SYN3: variants seen among roughly 807,000 people sequenced by gnomAD.
The protein encoded by SYN3 is synapsin-3.
In SYN3, 35 loss-of-function variants were observed where a neutral mutation model predicts 65.8. The ratio of observed to expected loss-of-function variants is 0.53; its 90% confidence interval spans 0.41 to 0.70. The LOEUF (loss-of-function observed/expected upper bound fraction) is 0.70. Among genes scored for constraint, SYN3 ranks in the 30% least tolerant of loss-of-function variants. The pLI is 0.00. For missense variants in SYN3, 680 were observed against 749.0 expected, an observed-to-expected ratio of 0.91 and a Z score of 1.08; for synonymous variants, 270 against 292.9, an observed-to-expected ratio of 0.92 and a Z score of 0.80.
intron 3 of SYN3, among the ~76,000 whole-genome samples, chr22:32,963,242 ATT>A (rs59829876): frequency 3.5e-4 from 39 of 111,824 alleles, no homozygotes; most frequent in African/African-American, 1.2e-3. Context: ...TGCCTGGCTA[ATT>A]TTTTTTTTTT....
chr22:32,630,041 T>G (rs1269338839), intron 6 of SYN3, among the ~76,000 whole-genome samples: 2 of 151,262 alleles, frequency 1.3e-5, no homozygotes, highest in African/African-American at 2.4e-5. Context: ...TAGAGTACGG[T>G]GGCGCGATCT....
chr22:32,924,892 T>C (rs2146657357), intron 4 of SYN3, among the ~76,000 whole-genome samples: 1 of 152,120 alleles, frequency 6.6e-6, no homozygotes, highest in South Asian at 2.1e-4. Context: ...AGGAGTTCGA[T>C]ACCAGCTTGG....
intron 6 of SYN3, among the ~76,000 whole-genome samples, chr22:32,794,513 A>T (rs2046387265): frequency 6.6e-6 from 1 of 151,280 alleles, no homozygotes; most frequent in Non-Finnish European, 1.5e-5. Context: ...TGATACTCTG[A>T]CTCCTCCTTT....
chr22:32,616,677 G>T lies in SYN3; in HGVS notation c.712-19941C>A, dbSNP rs561582578. Among the ~76,000 whole-genome samples the T allele has an allele frequency of 1.6e-4, 25 of 152,248 alleles. No homozygotes were observed. In the South Asian group the frequency reaches 5.2e-3, roughly 32 times the overall value. The stretch of plus-strand genomic sequence containing the variant: ...AAGGACCCAGACCCTACCCTCGAAG[G>T]GTTCCCAGGCTGGTGGGGGCAGCAG... On this transcript the variant is annotated intron_variant, in intron 6 of 13. Coordinates refer to ENST00000358763, the MANE Select transcript of SYN3 (RefSeq NM_003490.4).
intron 6 of SYN3, among the ~76,000 whole-genome samples, chr22:32,757,704 G>A (rs537823368): frequency 9.2e-5 from 14 of 152,192 alleles, no homozygotes; most frequent in Non-Finnish European, 1.9e-4. Flanking sequence ...CTCCATAAAG[G>A]AGGCAAGGAA....
chr22:33,010,802 T>C (rs2053331063), intron 1 of SYN3, among the ~76,000 whole-genome samples: 2 of 152,220 alleles, frequency 1.3e-5, no homozygotes. Flanking sequence ...TTTTTGTGAT[T>C]TTCAATATAG....
chr22:32,745,325 T>C (rs879819614), intron 6 of SYN3, among the ~76,000 whole-genome samples: 20 of 152,236 alleles, frequency 1.3e-4, no homozygotes, highest in Non-Finnish European at 2.2e-4. Flanking sequence ...CTGTCTTTCC[T>C]GCCAGCTGCT....
intron 1 of SYN3, among the ~76,000 whole-genome samples, chr22:33,011,943 G>A (rs2053361084): frequency 6.6e-6 from 1 of 152,030 alleles, no homozygotes; most frequent in African/African-American, 2.4e-5. Flanking sequence ...CTTTTTGACT[G>A]ATCCATGTTG....
chr22:32,545,239 G>C (rs2058319699), intron 7 of SYN3, among the ~76,000 whole-genome samples: 1 of 152,158 alleles, frequency 6.6e-6, no homozygotes, highest in Admixed American at 6.5e-5. Context: ...GTAGTTCCAG[G>C]CCAGCCCTGG....
At chr22:32,621,735 A>T (rs576562556) in intron 6 of SYN3, among the ~76,000 whole-genome samples, 32 of 152,342 alleles carry the variant, frequency 2.1e-4, no homozygotes, top group Admixed American at 3.9e-4. Flanking sequence ...AGGGAGAAAG[A>T]CATTATGGAA....
chr22:32,865,910 C>T (rs1035491661), intron 5 of SYN3, among the ~76,000 whole-genome samples: 1 of 151,952 alleles, frequency 6.6e-6, no homozygotes, highest in African/African-American at 2.4e-5. Flanking sequence ...CTGGAGCAGA[C>T]GACATAAGAG....
chr22:32,605,345 G>C (rs2059357826), intron 6 of SYN3, among the ~76,000 whole-genome samples: 1 of 152,116 alleles, frequency 6.6e-6, no homozygotes, highest in Non-Finnish European at 1.5e-5. Flanking sequence ...GTAGGAGTTT[G>C]AACTGTGTTT....
At chr22:32,726,726 A>G (rs2147317993) in intron 6 of SYN3, among the ~76,000 whole-genome samples, 1 of 152,316 alleles carries the variant, frequency 6.6e-6, no homozygotes, top group African/African-American at 2.4e-5. Flanking sequence ...CTTTGTCTGC[A>G]TTACATCCTC....
At chr22:33,053,495 C>T (rs1265995560) in intron 1 of SYN3, among the ~76,000 whole-genome samples, 1 of 152,178 alleles carries the variant, frequency 6.6e-6, no homozygotes, top group African/African-American at 2.4e-5. Flanking sequence ...GGGACCCGAC[C>T]TTGCTACCCT....
chr22:32,608,208 C>T (rs2059395967), intron 6 of SYN3, among the ~76,000 whole-genome samples: 2 of 152,194 alleles, frequency 1.3e-5, no homozygotes, highest in African/African-American at 4.8e-5. Context: ...GCTGGGATTA[C>T]AGGCACGTGC....
At position 32,641,607 on chromosome 22, in the gene SYN3, C is replaced by CAAAAAAAA. The variant is rs34461957; in HGVS notation, c.712-44879_712-44872dup. 6.3e-4 allele frequency among the ~76,000 whole-genome samples: 43 copies of CAAAAAAAA among 67,962 alleles called. 1 individual carries two copies. In the South Asian group the frequency reaches 7.3e-3, roughly 12 times the overall value. 44.6% of individuals were successfully genotyped at this position (67,962 alleles called of 152,430 possible). Reference sequence around the variant, plus strand: ...TGGGCGACAGAGCAAGACTCCATCTCAAAAAAAAAAAAAAAAAAAAAAATT... The same window carrying CAAAAAAAA: ...TGGGCGACAGAGCAAGACTCCATCTCAAAAAAAAAAAAAAAAAAAAAAAAAAAAAAATT... On this transcript the variant is annotated intron_variant, in intron 6 of 13. Coordinates refer to ENST00000358763, the MANE Select transcript of SYN3 (RefSeq NM_003490.4).
chr22:32,709,863 T>G (rs1363401400), intron 6 of SYN3, among the ~76,000 whole-genome samples: 1 of 152,036 alleles, frequency 6.6e-6, no homozygotes, highest in South Asian at 2.1e-4. Flanking sequence ...TTCTTAATGT[T>G]GAAAAAGTAT....
intron 7 of SYN3, among the ~76,000 whole-genome samples, chr22:32,547,692 A>C (rs2058355107): frequency 6.6e-6 from 1 of 152,234 alleles, no homozygotes; most frequent in Non-Finnish European, 1.5e-5. Context: ...TGGAGAGAGG[A>C]GTCAGGATGC....
At chr22:32,587,049 C>T (rs868437923) in intron 7 of SYN3, among the ~76,000 whole-genome samples, 2 of 151,854 alleles carry the variant, frequency 1.3e-5, no homozygotes, top group Non-Finnish European at 2.9e-5. Flanking sequence ...TGGTGAAACC[C>T]CATCTCTACT....
Sources: allele counts gnomAD v4.1 joint callset (sites outside exome capture counted in the v4.1 genomes callset), GRCh38; gene constraint gnomAD v4.1.1; transcripts MANE v1.5; gene names NCBI Gene and HGNC (gene_info 2026-07-23, HGNC 2026-07-21).